The following SLCO6A1 variants were observed in gnomAD, a reference collection of about 807,000 sequenced individuals.
The protein encoded by SLCO6A1 is solute carrier organic anion transporter family member 6A1.
SLCO6A1 carries 65 observed loss-of-function variants against 72.7 expected under a neutral mutation model. The ratio of observed to expected loss-of-function variants is 0.89; its 90% CI spans 0.73 to 1.10. SLCO6A1 has a LOEUF of 1.10. Ranked by LOEUF, SLCO6A1 falls within the 50% of genes least tolerant of loss-of-function variation. The probability of loss-of-function intolerance (pLI) is 0.00; values close to 1 mark genes in which losing one functional copy is unlikely to be tolerated. For synonymous variants in SLCO6A1, 314 were observed against 298.2 expected, an observed-to-expected ratio of 1.05 and a Z score of -0.55; for missense variants, 874 against 872.6, an observed-to-expected ratio of 1.00 and a Z score of -0.02.
intron 1 of SLCO6A1, among the ~76,000 whole-genome samples, chr5:102,481,518 C>G (rs1041988728): frequency 6.6e-6 from 1 of 152,216 alleles, no homozygotes; most frequent in Non-Finnish European, 1.5e-5. Context: ...TGGGCCCCAG[C>G]AACTCTGGGA....
intron 6 of SLCO6A1, among the ~76,000 whole-genome samples, chr5:102,449,536 G>A (rs1191772674): frequency 2.0e-5 from 3 of 151,926 alleles, no homozygotes; most frequent in East Asian, 1.9e-4. Flanking sequence ...ACAGGCACCC[G>A]CCACCACACC....
chr5:102,474,700 A>G (rs1751805501), intron 4 of SLCO6A1, among the ~76,000 whole-genome samples: 2 of 152,136 alleles, frequency 1.3e-5, no homozygotes, highest in Non-Finnish European at 2.9e-5. Context: ...TGCAGAATAT[A>G]TGAAGAACTT....
chr5:102,403,430 CA>C (rs1438652439), intron 9 of SLCO6A1, among the ~76,000 whole-genome samples: 1 of 152,086 alleles, frequency 6.6e-6, no homozygotes, highest in Non-Finnish European at 1.5e-5. Context: ...TAAAAATAGT[CA>C]AGTCCCCAAA....
chr5:102,458,344 A>C (rs369085417), intron 6 of SLCO6A1, 38 bp downstream of exon 6: 3 of 1,450,404 alleles, frequency 2.1e-6, no homozygotes, highest in African/African-American at 2.8e-5. Context: ...AAACAGGTCA[A>C]CTTAGTTGGA....
intron 6 of SLCO6A1, among the ~76,000 whole-genome samples, chr5:102,447,905 C>A (rs532332199): frequency 1.2e-4 from 18 of 151,934 alleles, no homozygotes; most frequent in African/African-American, 4.1e-4. Context: ...TCCTTCTTTT[C>A]TTCTGCTACC....
intron 7 of SLCO6A1, among the ~76,000 whole-genome samples, chr5:102,428,408 G>A (rs557429515): frequency 6.6e-6 from 1 of 152,094 alleles, no homozygotes; most frequent in East Asian, 1.9e-4. Context: ...CAACTACTGA[G>A]AAGTAACAAA....
chr5:102,401,256 A>T (rs920475086), intron 9 of SLCO6A1, among the ~76,000 whole-genome samples: 1 of 152,136 alleles, frequency 6.6e-6, no homozygotes, highest in Non-Finnish European at 1.5e-5. Flanking sequence ...AAAAACAAGA[A>T]CAGAATATGC....
At chr5:102,392,708 C>T (rs1343117156) in intron 10 of SLCO6A1, among the ~76,000 whole-genome samples, 1 of 151,794 alleles carries the variant, frequency 6.6e-6, no homozygotes, top group Non-Finnish European at 1.5e-5. Flanking sequence ...AAAGCATTAA[C>T]ATTTTTAAAA....
chr5:102,491,755 A>G (rs1274648019), intron 1 of SLCO6A1, among the ~76,000 whole-genome samples: 1 of 152,148 alleles, frequency 6.6e-6, no homozygotes, highest in African/African-American at 2.4e-5. Flanking sequence ...AAGCTGAGGG[A>G]GCCGGCTCCG....
chr5:102,444,102 A>G (rs1471931653), intron 6 of SLCO6A1, among the ~76,000 whole-genome samples: 15 of 152,202 alleles, frequency 9.9e-5, no homozygotes, highest in Admixed American at 9.8e-4. Flanking sequence ...GTCTGAAATA[A>G]GAGTAGGATC....
intron 6 of SLCO6A1, among the ~76,000 whole-genome samples, chr5:102,442,162 A>T (rs576957542): frequency 6.6e-6 from 1 of 152,324 alleles, no homozygotes; most frequent in East Asian, 1.9e-4. Context: ...TTTTTGGAGC[A>T]TCAATAAGCA....
At position 102,480,405 on chromosome 5, in the gene SLCO6A1, T is replaced by G. The variant is rs754135220; in HGVS notation, c.388A>C (p.Ile130Leu). 6.2e-7 allele frequency: 1 copy of G among 1,613,370 alleles called. No individual in the cohort carries two copies. ...TGATATTCCTTCTGAAAATCGCCAA[T>G]GCTGACATCTATAAGACCAAACACC... is the stretch of plus-strand genomic sequence containing the variant. ...GVVFGLIDVS[I>L]GDFQKEYQLK... is the part of the protein sequence containing the mutation. Residue 130 changes from isoleucine to leucine, a missense_variant, in exon 2 of 14, where the codon ATT (isoleucine) becomes CTT (leucine). By Grantham distance (5) the Ile-to-Leu change is conservative. Coordinates refer to ENST00000506729, the MANE Select transcript of SLCO6A1 (RefSeq NM_173488.5).
chr5:102,457,883 A>C (rs1445317165), intron 6 of SLCO6A1, among the ~76,000 whole-genome samples: 1 of 152,202 alleles, frequency 6.6e-6, no homozygotes, highest in East Asian at 1.9e-4. Context: ...CTGTATTAAG[A>C]AAATGTGGCA....
At chr5:102,440,778 GATAAC>G (rs1250013336) in intron 6 of SLCO6A1, among the ~76,000 whole-genome samples, 1 of 152,188 alleles carries the variant, frequency 6.6e-6, no homozygotes, top group Non-Finnish European at 1.5e-5. Context: ...TGCAGAAGTA[GATAAC>G]ATAATCACAA....
rs1748502691 is a variant in SLCO6A1, at chr5:102,419,971, T to C, written c.1327A>G (p.Ile443Val). The part of the protein sequence containing the change: ...GALGQLLGGV[I>V]VSTLEMSCKA... ...CAAGACATTTCTAATGTGGAAACAATGACACCTCCCAGAAGCTGGCCAAGT... is the reference window on the plus strand; with the variant it reads ...CAAGACATTTCTAATGTGGAAACAACGACACCTCCCAGAAGCTGGCCAAGT... The change falls in exon 8 of 14, where the codon ATT becomes GTT. Residue 443 changes from isoleucine (I) to valine (V), a missense_variant. Coordinates refer to ENST00000506729, the MANE Select transcript of SLCO6A1 (RefSeq NM_173488.5). 1.9e-6 allele frequency: 3 copies of C among 1,599,244 alleles called. No individual in the cohort carries two copies. Among genetic ancestry groups the C allele is most frequent in the African/African-American group, 2.7e-5 (2 of 74,046 alleles).
chr5:102,477,902 C>G, intron 2 of SLCO6A1, 41 bp from the exon 3 acceptor site: 1 of 1,524,762 alleles, frequency 6.6e-7, no homozygotes, highest in Non-Finnish European at 8.9e-7. Context: ...TAATTGAACT[C>G]AAACATAAAA....
intron 4 of SLCO6A1, among the ~76,000 whole-genome samples, chr5:102,470,049 T>A (rs2112796917): frequency 6.6e-6 from 1 of 152,278 alleles, no homozygotes; most frequent in African/African-American, 2.4e-5. Flanking sequence ...TGCTGCTGGA[T>A]TCAGTTTGCC....
chr5:102,478,506 A>C (rs1752028008), intron 2 of SLCO6A1, among the ~76,000 whole-genome samples: 3 of 152,234 alleles, frequency 2.0e-5, no homozygotes, highest in African/African-American at 7.2e-5. Context: ...AACTTTTAGA[A>C]CATATGTTCA....
chr5:102,459,509 A>T, intron 5 of SLCO6A1, 147 bp downstream of exon 5: 1 of 831,880 alleles, frequency 1.2e-6, no homozygotes, highest in Non-Finnish European at 1.8e-6. Context: ...TAACACTAGC[A>T]CTTGACACTG....
Sources: allele counts gnomAD v4.1 joint callset (sites outside exome capture counted in the v4.1 genomes callset), GRCh38; gene constraint gnomAD v4.1.1; transcripts MANE v1.5; gene names NCBI Gene and HGNC (gene_info 2026-07-23, HGNC 2026-07-21).